CORO7: variants seen among roughly 807,000 people sequenced by gnomAD.
CORO7 encodes the protein coronin 7.
CORO7 carries 107 observed loss-of-function variants against 126.6 expected under a neutral mutation model. That is an observed-to-expected ratio of 0.85 (90% CI 0.72 to 0.99). The LOEUF is 0.99. Among genes scored for constraint, CORO7 ranks in the 50% least tolerant of loss-of-function variants. The pLI, the probability that CORO7 is intolerant of heterozygous loss-of-function variation, is 0.00. For synonymous variants in CORO7, 603 were observed against 536.8 expected, an observed-to-expected ratio of 1.12 and a Z score of -1.70; for missense variants, 1,314 against 1,255.8, an observed-to-expected ratio of 1.05 and a Z score of -0.70.
intron 9 of CORO7, among the ~76,000 whole-genome samples, chr16:4,374,625 C>T (rs1051155111): frequency 3.9e-5 from 6 of 152,004 alleles, no homozygotes; most frequent in South Asian, 2.1e-4. Context: ...GAGAGCAGTG[C>T]GGGGGCAGGG....
chr16:4,392,887 G>C (rs2055445439), intron 7 of CORO7, among the ~76,000 whole-genome samples: 1 of 152,182 alleles, frequency 6.6e-6, no homozygotes, highest in Admixed American at 6.5e-5. Flanking sequence ...GGAAGGGGTG[G>C]GAGCCACCCA....
chr16:4,399,664 A>C (rs929933192), intron 6 of CORO7, among the ~76,000 whole-genome samples: 1 of 152,118 alleles, frequency 6.6e-6, no homozygotes, highest in Non-Finnish European at 1.5e-5. Context: ...TCAAGGCGGG[A>C]GGATCATTTG....
At chr16:4,413,284 T>C (rs1230083933) in intron 2 of CORO7, 24 bp downstream of exon 2, 1 of 1,556,326 alleles carries the variant, frequency 6.4e-7, no homozygotes, top group Non-Finnish European at 8.7e-7. Context: ...TGAGCAAATA[T>C]CCACACTCAT....
intron 9 of CORO7, among the ~76,000 whole-genome samples, chr16:4,370,755 C>T (rs1282622933): frequency 6.6e-6 from 1 of 152,210 alleles, no homozygotes; most frequent in Non-Finnish European, 1.5e-5. Context: ...TAACTGAGTC[C>T]TCCAGAGACT....
intron 9 of CORO7, among the ~76,000 whole-genome samples, chr16:4,378,217 G>A (rs1471814192): frequency 6.6e-6 from 1 of 152,208 alleles, no homozygotes; most frequent in Non-Finnish European, 1.5e-5. Context: ...CGAGGTGTGA[G>A]AGCAAAGTCA....
rs1420327082 is a variant in CORO7 at position 4,358,053 on chromosome 16, C to T, written c.2508G>A (p.Glu836=). ...GCCAGGCCTCGGCACTGAGCACAGG[C>T]TCCCAGATCACAGCCGTGTCTGGGA... ...DVFPDTAVIW[E]PVLSAEAWLQ... is the part of the protein sequence containing the mutation. Residue 836 remains glutamate (E), a synonymous_variant, in exon 25 of 28, where the codon GAG becomes GAA. Coordinates refer to ENST00000251166, the MANE Select transcript of CORO7 (RefSeq NM_024535.5). 5 of 1,613,432 alleles carry T rather than the reference C, an allele frequency of 3.1e-6. No individual in the cohort carries two copies. The highest frequency in any genetic ancestry group is 4.2e-6 in the Non-Finnish European group (5 of 1,179,698).
At chr16:4,366,488 G>C (rs975590414) in intron 9 of CORO7, among the ~76,000 whole-genome samples, 14 of 150,986 alleles carry the variant, frequency 9.3e-5, no homozygotes, top group Admixed American at 5.9e-4. Context: ...TCTGACAGAT[G>C]CCCAGATGCC....
intron 6 of CORO7, among the ~76,000 whole-genome samples, chr16:4,397,082 C>A (rs1251744248): frequency 3.4e-5 from 5 of 148,898 alleles, no homozygotes; most frequent in African/African-American, 1.2e-4. Flanking sequence ...ATAAAAAAAA[C>A]TTGAAATACT....
At chr16:4,368,272 G>A (rs2054409339) in intron 9 of CORO7, among the ~76,000 whole-genome samples, 1 of 151,988 alleles carries the variant, frequency 6.6e-6, no homozygotes, top group Non-Finnish European at 1.5e-5. Context: ...ACTTGAACCC[G>A]GCAGGTGGAG....
In CORO7 at chr16:4,408,250, G is replaced by C. The variant is rs574460410; in HGVS notation, c.234C>G (p.Asp78Glu). ...RRVAHLGCHS[D>E]LVTDLDFSPF... ...GCGAGAAGTCCAAGTCGGTGACTAG[G>C]TCTGTGGGAGAGGAATGGCTGAACC... The change falls in exon 4 of 28, where the codon GAC becomes GAG. Residue 78 changes from aspartate (D) to glutamate (E), a missense_variant and splice_region_variant. Transcript: ENST00000251166. 13 of 1,614,222 alleles carry C rather than the reference G, an allele frequency of 8.1e-6. No homozygotes were observed. The South Asian group carries it at 1.4e-4, about 18-fold the overall frequency.
At chr16:4,369,558 T>C (rs545725929) in intron 9 of CORO7, among the ~76,000 whole-genome samples, 198 of 152,164 alleles carry the variant, frequency 1.3e-3, no homozygotes, top group African/African-American at 4.7e-3. Flanking sequence ...GAAGACAACC[T>C]CAGTACCAAC....
chr16:4,396,941 G>C (rs1276776879), intron 6 of CORO7, among the ~76,000 whole-genome samples: 1 of 150,512 alleles, frequency 6.6e-6, no homozygotes, highest in Non-Finnish European at 1.5e-5. Flanking sequence ...GTTTGAACCT[G>C]GGAGACAGTG....
At chr16:4,356,090 A>C (rs961352109) in intron 26 of CORO7, among the ~76,000 whole-genome samples, 2 of 152,062 alleles carry the variant, frequency 1.3e-5, no homozygotes, top group Non-Finnish European at 2.9e-5. Context: ...AGTAGCTGGG[A>C]TTACAGGTAT....
chr16:4,362,828 G>A lies in CORO7; in HGVS notation c.1276-90C>T. The A allele has an allele frequency of 8.0e-7, 1 of 1,257,492 alleles. No homozygotes were observed. The highest frequency in any genetic ancestry group is 1.0e-6 in the Non-Finnish European group (1 of 998,956). The allele number at this position is 1,257,492 out of a possible 1,614,324, so 77.9% of individuals were successfully genotyped here. The stretch of plus-strand genomic sequence containing the variant: ...AGCGGACTCCAGGGTCACCACTCTG[G>A]GCCCCCTGCGGACTGGAGGAGCCCC... On this transcript the variant is annotated intron_variant, in intron 14 of 27. Transcript: ENST00000251166. The surrounding 1 kb of genome is among the most constrained non-coding windows in gnomAD (Gnocchi z 5.3).
At chr16:4,409,034 G>A (rs970522751) in intron 3 of CORO7, among the ~76,000 whole-genome samples, 2 of 152,136 alleles carry the variant, frequency 1.3e-5, no homozygotes, top group Admixed American at 6.6e-5. Flanking sequence ...TGCACAGAGT[G>A]AGCCAGACCC....
At chr16:4,413,507 A>G (rs932901056) in intron 1 of CORO7, 103 bp from the exon 2 acceptor site, 2 of 1,025,692 alleles carry the variant, frequency 1.9e-6, no homozygotes, top group African/African-American at 1.7e-5. Flanking sequence ...TCTAGCTCAC[A>G]GCTGCACCAT....
At position 4,364,260 on chromosome 16, in the gene CORO7, C is replaced by T. The variant is rs561673546; in HGVS notation, c.1275+16G>A. On this transcript the variant is annotated intron_variant, in intron 14 of 27. Coordinates refer to ENST00000251166, the MANE Select transcript of CORO7 (RefSeq NM_024535.5). ...CAGTGTCGCTGAGGGAGGATGGGGGCGGCCCTGGTACTTACGCTTGCGTCT... is the reference window on the plus strand; with the variant it reads ...CAGTGTCGCTGAGGGAGGATGGGGGTGGCCCTGGTACTTACGCTTGCGTCT... 278 of 1,527,598 alleles carry T rather than the reference C, an allele frequency of 1.8e-4. No individual in the cohort carries two copies. The highest frequency in any genetic ancestry group is 2.3e-4 in the Non-Finnish European group (259 of 1,140,606). The allele number at this position is 1,527,598 out of a possible 1,614,324, so 94.6% of individuals were successfully genotyped here. A position where few individuals can be genotyped will look rare whatever the true frequency, so the allele number is the denominator to read the frequency against.
intron 9 of CORO7, among the ~76,000 whole-genome samples, chr16:4,387,482 G>T (rs1311469000): frequency 6.6e-6 from 1 of 152,012 alleles, no homozygotes; most frequent in Non-Finnish European, 1.5e-5. Context: ...GGCTGGTGTG[G>T]AGTAGGCCGC....
At chr16:4,405,192 G>A (rs142384948) in intron 6 of CORO7, among the ~76,000 whole-genome samples, 1 of 152,360 alleles carries the variant, frequency 6.6e-6, no homozygotes, top group African/African-American at 2.4e-5. Flanking sequence ...AGAAAGGCTG[G>A]CGGTTCAGAC....
Sources: allele counts gnomAD v4.1 joint callset (sites outside exome capture counted in the v4.1 genomes callset), GRCh38; gene constraint gnomAD v4.1.1; non-coding constraint Gnocchi (gnomAD v3.1); transcripts MANE v1.5; gene names NCBI Gene and HGNC (gene_info 2026-07-23, HGNC 2026-07-21).